Variants in WDR89 observed in about 807,000 individuals in gnomAD.
WDR89 encodes the protein WD repeat domain 89.
In WDR89, 17 loss-of-function variants were observed where a neutral mutation model predicts 29.1. The ratio of observed to expected loss-of-function variants is 0.58; its 90% CI spans 0.40 to 0.88. WDR89 has a LOEUF of 0.88. WDR89 is among the 40% of genes least tolerant of loss of function. The pLI is 0.00. For missense variants in WDR89, 396 were observed against 456.3 expected (o/e 0.87, Z 1.20); for synonymous variants, 138 against 157.8 (o/e 0.87, Z 0.94).
chr14:63,623,706 A>T (rs1156714792), intron 2 of WDR89, among the ~76,000 whole-genome samples: 1,321 of 125,828 alleles, frequency 0.01, 8 homozygotes, highest in African/African-American at 0.037. Context: ...TCTGTCTCAA[A>T]AAAAAAAAAA....
chr14:63,617,816 A>C (rs1882415871), intron 2 of WDR89, among the ~76,000 whole-genome samples: 1 of 152,164 alleles, frequency 6.6e-6, no homozygotes, highest in Non-Finnish European at 1.5e-5. Context: ...AAAACATGCA[A>C]CTGGTACATG....
chr14:63,641,097 C>CA (rs57478091), intron 1 of WDR89, among the ~76,000 whole-genome samples: 3,911 of 63,490 alleles, frequency 0.062, 111 homozygotes, highest in Middle Eastern at 0.14. Flanking sequence ...GACTCCATCT[C>CA]AAAAAAAAAA....
rs1160510102 is a variant in WDR89, at chr14:63,631,830, G to A, written c.-137-6797C>T. On this transcript the variant is annotated intron_variant, in intron 1 of 2. Transcript: ENST00000620954. ...GGAGTTGAGTCAGAAAGTAAATCCA[G>A]GCCAGGTGCGGTGGTTCACGCCTGT... 2.6e-5 allele frequency among the ~76,000 whole-genome samples: 4 copies of A among 152,280 alleles called. No homozygotes were observed. The East Asian group carries it at 5.8e-4, about 22-fold the overall frequency.
chr14:63,631,384 GCA>G (rs1288473052), intron 1 of WDR89, among the ~76,000 whole-genome samples: 4 of 151,320 alleles, frequency 2.6e-5, no homozygotes, highest in Non-Finnish European at 4.4e-5. Flanking sequence ...TTATTTATTT[GCA>G]CAGAGTCTTA....
chr14:63,605,179 T>TAC (rs1895257245), intron 2 of WDR89, among the ~76,000 whole-genome samples: 1 of 142,576 alleles, frequency 7.0e-6, no homozygotes, highest in Admixed American at 7.0e-5. Context: ...TATATATATA[T>TAC]ATACACACAC....
At chr14:63,618,806 A>C (rs1274983909) in intron 2 of WDR89, among the ~76,000 whole-genome samples, 1 of 152,236 alleles carries the variant, frequency 6.6e-6, no homozygotes, top group African/African-American at 2.4e-5. Flanking sequence ...GAAAGATTCT[A>C]CAAGTGTCCA....
intron 1 of WDR89, among the ~76,000 whole-genome samples, chr14:63,636,920 A>G (rs1400142581): frequency 6.6e-6 from 1 of 152,180 alleles, no homozygotes; most frequent in Non-Finnish European, 1.5e-5. Context: ...TAGCTGGGAC[A>G]TAATTAAACT....
At chr14:63,630,234 C>T (rs1341072705) in intron 1 of WDR89, among the ~76,000 whole-genome samples, 1 of 151,560 alleles carries the variant, frequency 6.6e-6, no homozygotes, top group Admixed American at 6.6e-5. Context: ...AGGCGTGAGC[C>T]ACTGCACCCA....
chr14:63,636,537 A>C (rs1371970123), intron 1 of WDR89, among the ~76,000 whole-genome samples: 1 of 152,240 alleles, frequency 6.6e-6, no homozygotes, highest in Non-Finnish European at 1.5e-5. Flanking sequence ...CATAGTCACC[A>C]AAACAGCATG....
chr14:63,600,884 G>A (rs933458878), intron 2 of WDR89, among the ~76,000 whole-genome samples: 10 of 152,068 alleles, frequency 6.6e-5, no homozygotes, highest in Non-Finnish European at 1.3e-4. Context: ...TTAAAATAGG[G>A]AGATTATCCT....
chr14:63,624,767 T>C (rs1882925403), intron 2 of WDR89, among the ~76,000 whole-genome samples, 161 bp downstream of exon 2: 1 of 152,178 alleles, frequency 6.6e-6, no homozygotes, highest in Non-Finnish European at 1.5e-5. Flanking sequence ...TTACCTATTA[T>C]TACACATTTG....
intron 2 of WDR89, among the ~76,000 whole-genome samples, chr14:63,611,883 C>A (rs181097239): frequency 6.6e-6 from 1 of 151,730 alleles, no homozygotes; most frequent in Admixed American, 6.6e-5. Context: ...TGCACCACCA[C>A]GTCAGGCTAA....
intron 2 of WDR89, among the ~76,000 whole-genome samples, chr14:63,621,141 T>C (rs1331552175): frequency 6.6e-6 from 1 of 152,192 alleles, no homozygotes; most frequent in African/African-American, 2.4e-5. Context: ...TCTATATTGC[T>C]GGTGGGAATG....
intron 2 of WDR89, chr14:63,618,211 A>T (rs1566795102): frequency 6.6e-6 from 1 of 152,226 alleles, no homozygotes. Flanking sequence ...CTGGAGTACA[A>T]TGGCACAATC....
intron 2 of WDR89, among the ~76,000 whole-genome samples, chr14:63,616,738 A>G (rs1323280961): frequency 3.3e-5 from 5 of 152,188 alleles, no homozygotes; most frequent in African/African-American, 1.2e-4. Context: ...AGAACTTTGA[A>G]TTTTATTCTC....
chr14:63,620,247 C>G (rs1214003321), intron 2 of WDR89, among the ~76,000 whole-genome samples: 1 of 152,058 alleles, frequency 6.6e-6, no homozygotes, highest in Non-Finnish European at 1.5e-5. Flanking sequence ...AGAATACTAC[C>G]TCAGCCTTAA....
chr14:63,618,905 C>G (rs1172079581), intron 2 of WDR89, among the ~76,000 whole-genome samples: 2 of 152,138 alleles, frequency 1.3e-5, no homozygotes, highest in African/African-American at 2.4e-5. Flanking sequence ...AGGAATAATG[C>G]CTTGAAAATT....
rs976646864 is a variant in WDR89 at position 63,597,052 on chromosome 14, A to G, written c.*1727T>C. 2 of 152,230 alleles carry G rather than the reference A, an allele frequency of 1.3e-5. No homozygotes were observed. Among genetic ancestry groups the G allele is most frequent in the Non-Finnish European group, 2.9e-5 (2 of 68,042 alleles). The allele number at this position is 152,230 out of a possible 1,614,324, so 9.4% of individuals were successfully genotyped here. A position where few individuals can be genotyped will look rare whatever the true frequency, so the allele number is the denominator to read the frequency against. On this transcript the variant is annotated 3_prime_UTR_variant, in exon 3 of 3. Coordinates refer to ENST00000620954, the MANE Select transcript of WDR89 (RefSeq NM_080666.4). ...CCCAAGACTGGGTAATTTATAAAGG[A>G]AAGTGTTTAATTGACTGAAGAGTTC...
chr14:63,615,319 C>A (rs1476264564), intron 2 of WDR89, among the ~76,000 whole-genome samples: 1 of 152,166 alleles, frequency 6.6e-6, no homozygotes, highest in East Asian at 1.9e-4. Flanking sequence ...CCAAATTTCC[C>A]TAAGTCACCA....
Sources: gnomAD v4.1 joint callset for allele counts (sites outside exome capture counted in the v4.1 genomes callset) on GRCh38, gnomAD v4.1.1 for gene constraint, MANE v1.5 for transcripts, NCBI Gene and HGNC (gene_info 2026-07-23, HGNC 2026-07-21) for gene names.